PRKD1: variants seen among roughly 807,000 people sequenced by gnomAD.
PRKD1 encodes protein kinase D1.
A neutral mutation model predicts 95.9 loss-of-function variants in PRKD1; 63 were observed. The ratio of observed to expected loss-of-function variants is 0.66; its 90% CI spans 0.54 to 0.81. PRKD1 has a LOEUF of 0.81. Ranked by LOEUF, PRKD1 falls within the 30% of genes least tolerant of loss-of-function variation. PRKD1 has a pLI of 0.00. For missense variants in PRKD1, 1,048 were observed against 1,165.3 expected, an observed-to-expected ratio of 0.90 and a Z score of 1.47; for synonymous variants, 425 against 423.1, an observed-to-expected ratio of 1.00 and a Z score of -0.05.
intron 2 of PRKD1, among the ~76,000 whole-genome samples, chr14:29,688,008 G>A (rs186297037): frequency 6.6e-6 from 1 of 152,272 alleles, no homozygotes; most frequent in Admixed American, 6.5e-5. Flanking sequence ...ACAGAGTCCA[G>A]GAAGTCAGAA....
At chr14:29,672,404 A>G (rs1882913677) in intron 2 of PRKD1, among the ~76,000 whole-genome samples, 1 of 152,054 alleles carries the variant, frequency 6.6e-6, no homozygotes, top group African/African-American at 2.4e-5. Context: ...GATTAGCAAC[A>G]TAGGGGAAAA....
Position 29,726,948 on chromosome 14 carries a change from G to C in PRKD1, c.265-1274C>G, listed in dbSNP as rs574693771. Among the ~76,000 whole-genome samples the C allele has an allele frequency of 4.9e-4, 75 of 152,170 alleles. 1 individual carries two copies. In the South Asian group the frequency reaches 0.015, roughly 30 times the overall value. ...ATGGCTGGGTCAAATGGTATTTCTA[G>C]TTCTAGATCCCTGAGGAATCGCCAC... On this transcript the variant is annotated intron_variant, in intron 1 of 17. Coordinates refer to ENST00000331968, the MANE Select transcript of PRKD1 (RefSeq NM_002742.3).
At chr14:29,762,394 C>T (rs942633810) in intron 1 of PRKD1, among the ~76,000 whole-genome samples, 11 of 152,166 alleles carry the variant, frequency 7.2e-5, no homozygotes, top group African/African-American at 2.4e-4. Context: ...GGACCAGCTA[C>T]TCTTCTAGTC....
At chr14:29,797,092 T>C (rs1005930853) in intron 1 of PRKD1, among the ~76,000 whole-genome samples, 3 of 152,146 alleles carry the variant, frequency 2.0e-5, no homozygotes, top group Non-Finnish European at 4.4e-5. Flanking sequence ...CTAGAAAACT[T>C]TGGACCCTCC....
chr14:29,840,400 A>G (rs1891789642), intron 1 of PRKD1, among the ~76,000 whole-genome samples: 1 of 152,098 alleles, frequency 6.6e-6, no homozygotes, highest in Non-Finnish European at 1.5e-5. Context: ...ATTTTTGTCA[A>G]AGCCATTCAA....
Position 29,772,864 on chromosome 14 carries a change from G to A in PRKD1, c.265-47190C>T, listed in dbSNP as rs61978043. The stretch of plus-strand genomic sequence containing the variant: ...TCAGCTCTCACACATTCCTTAGAAC[G>A]CACAACTGATAACAAGACTCTTCTT... On this transcript the variant is annotated intron_variant, in intron 1 of 17. Transcript: ENST00000331968. Among the ~76,000 whole-genome samples the A allele has an allele frequency of 6.9e-3, 1,049 of 152,138 alleles. 7 individuals carry two copies. Among genetic ancestry groups the A allele is most frequent in the Non-Finnish European group, 0.01 (681 of 67,998 alleles).
At chr14:29,843,611 C>A (rs987521863) in intron 1 of PRKD1, among the ~76,000 whole-genome samples, 2 of 152,148 alleles carry the variant, frequency 1.3e-5, no homozygotes, top group African/African-American at 4.8e-5. Context: ...CTTAAATGAA[C>A]ACATTTATTC....
intron 1 of PRKD1, among the ~76,000 whole-genome samples, chr14:29,826,931 T>C: frequency 7.4e-6 from 1 of 134,846 alleles, no homozygotes; most frequent in Non-Finnish European, 1.6e-5. Flanking sequence ...TCACAGCAAC[T>C]TGGATGGGAT....
At chr14:29,875,582 T>C (rs1414484706) in intron 1 of PRKD1, among the ~76,000 whole-genome samples, 1 of 152,214 alleles carries the variant, frequency 6.6e-6, no homozygotes, top group East Asian at 1.9e-4. Context: ...TTATAAGAAT[T>C]GTTATTTCCA....
chr14:29,745,698 A>C (rs1231013597), intron 1 of PRKD1, among the ~76,000 whole-genome samples: 3 of 151,988 alleles, frequency 2.0e-5, no homozygotes, highest in Non-Finnish European at 4.4e-5. Flanking sequence ...GCTGGTCTCA[A>C]ACATCTGGCC....
chr14:29,709,234 C>T (rs1885227715), intron 2 of PRKD1, among the ~76,000 whole-genome samples: 1 of 152,004 alleles, frequency 6.6e-6, no homozygotes, highest in Admixed American at 6.6e-5. Flanking sequence ...CAATTTATTT[C>T]CTTAAGTAAA....
At chr14:29,915,449 C>T (rs551032210) in intron 1 of PRKD1, among the ~76,000 whole-genome samples, 1 of 152,230 alleles carries the variant, frequency 6.6e-6, no homozygotes, top group East Asian at 1.9e-4. Flanking sequence ...ATCTTTAAAA[C>T]AGGCAGATTT....
At chr14:29,717,260 G>A (rs10047919) in intron 2 of PRKD1, among the ~76,000 whole-genome samples, 13,332 of 152,116 alleles carry the variant, frequency 0.088, 709 homozygotes, top group South Asian at 0.19. Flanking sequence ...CCTATTTCAA[G>A]AAATGTGTAG....
intron 1 of PRKD1, among the ~76,000 whole-genome samples, chr14:29,781,276 C>G (rs1889032141): frequency 6.6e-6 from 1 of 152,016 alleles, no homozygotes; most frequent in South Asian, 2.1e-4. Flanking sequence ...TACCCTAGAA[C>G]ATAAAGTACA....
At chr14:29,864,087 TA>T (rs1443967176) in intron 1 of PRKD1, among the ~76,000 whole-genome samples, 1 of 151,984 alleles carries the variant, frequency 6.6e-6, no homozygotes, top group Non-Finnish European at 1.5e-5. Flanking sequence ...AGTAAGATAA[TA>T]AAGAAAATAT....
At chr14:29,676,644 C>T (rs1057352549) in intron 2 of PRKD1, among the ~76,000 whole-genome samples, 40 of 152,170 alleles carry the variant, frequency 2.6e-4, no homozygotes, top group Admixed American at 2.6e-3. Context: ...TCAGCCACAG[C>T]GCCCGGCCAA....
intron 1 of PRKD1, among the ~76,000 whole-genome samples, chr14:29,775,869 G>A (rs529622967): frequency 5.9e-5 from 9 of 152,262 alleles, no homozygotes; most frequent in African/African-American, 1.2e-4. Flanking sequence ...CCTGACCCCC[G>A]AGTAGCCTAA....
chr14:29,765,339 A>G (rs1333037964), intron 1 of PRKD1, among the ~76,000 whole-genome samples: 1 of 152,176 alleles, frequency 6.6e-6, no homozygotes, highest in Non-Finnish European at 1.5e-5. Context: ...TAAAACTACA[A>G]TTAATGAACA....
intron 1 of PRKD1, among the ~76,000 whole-genome samples, chr14:29,728,639 T>C (rs1886285505): frequency 6.6e-6 from 1 of 152,212 alleles, no homozygotes; most frequent in South Asian, 2.1e-4. Context: ...AGTATTTCAT[T>C]AAATGGATCT....
Sources: gnomAD v4.1 joint callset for allele counts (sites outside exome capture counted in the v4.1 genomes callset) on GRCh38, gnomAD v4.1.1 for gene constraint, MANE v1.5 for transcripts, NCBI Gene and HGNC (gene_info 2026-07-23, HGNC 2026-07-21) for gene names.